CLEC5A: variants seen among roughly 807,000 people sequenced by gnomAD.
CLEC5A encodes C-type lectin domain containing 5A, also known as C-type lectin domain family 5 member A.
CLEC5A carries 15 observed loss-of-function variants against 24.4 expected under a neutral mutation model. The ratio of observed to expected loss-of-function variants is 0.62; its 90% CI spans 0.41 to 0.95. The LOEUF (loss-of-function observed/expected upper bound fraction) is 0.95. Ranked by LOEUF, CLEC5A falls within the 40% of genes least tolerant of loss-of-function variation. CLEC5A has a pLI of 0.00. For missense variants in CLEC5A, 211 were observed against 224.0 expected (o/e 0.94, Z 0.37); for synonymous variants, 71 against 72.6 (o/e 0.98, Z 0.11).
Position 141,946,247 on chromosome 7 carries a change from T to A in CLEC5A, c.46A>T (p.Lys16Ter). 6.4e-7 allele frequency: 1 copy of A among 1,571,988 alleles called. No individual in the cohort carries two copies. The highest frequency in any genetic ancestry group is 1.2e-5 in the South Asian group (1 of 85,534). Residue 16 changes from lysine to a stop codon, truncating the protein, a stop_gained, in exon 2 of 7, where the codon AAA becomes TAA. Transcript: ENST00000546910. LOFTEE classifies it high-confidence loss of function. ...AGAAATAAGGTCATTCCAACAACTTTAAGCACTACCACAATAAGCCCAGAG... is the reference window on the plus strand; with the variant it reads ...AGAAATAAGGTCATTCCAACAACTTAAAGCACTACCACAATAAGCCCAGAG... ...IISGLIVVVL[K>*]VVGMTLFLLY... is the part of the protein sequence containing the mutation.
At chr7:141,930,835 G>A (rs1302266535) in intron 6 of CLEC5A, among the ~76,000 whole-genome samples, 5 of 152,170 alleles carry the variant, frequency 3.3e-5, no homozygotes, top group African/African-American at 9.7e-5. Flanking sequence ...AATGGGGAGC[G>A]ATAAAAGCTT....
At chr7:141,944,803 A>G (rs139576528) in intron 3 of CLEC5A, among the ~76,000 whole-genome samples, 8 of 152,322 alleles carry the variant, frequency 5.3e-5, no homozygotes, top group African/African-American at 1.4e-4. Context: ...TCTAAGATGT[A>G]ATAGCCTGGT....
At chr7:141,943,839 G>T in intron 4 of CLEC5A, 57 bp downstream of exon 4, 3 of 1,186,922 alleles carry the variant, frequency 2.5e-6, no homozygotes, top group Non-Finnish European at 2.5e-6. Context: ...AAATCTCTAA[G>T]AATTCAGTGC....
At chr7:141,934,511 G>A (rs1224787243) in intron 5 of CLEC5A, among the ~76,000 whole-genome samples, 35 of 151,410 alleles carry the variant, frequency 2.3e-4, no homozygotes, top group African/African-American at 8.0e-4. Context: ...CATCGAAGTG[G>A]AATTTGGTAT....
In CLEC5A at chr7:141,936,270, G is replaced by A. The variant is rs563173459; in HGVS notation, c.209-320C>T. ...GAACAAAAAATCAGATGAACACTCA[G>A]TACCTGGATAGCTGAAAGAGGCACT... On this transcript the variant is annotated intron_variant, in intron 4 of 6. Coordinates refer to ENST00000546910, the MANE Select transcript of CLEC5A (RefSeq NM_013252.3). 41 of 337,262 alleles carry A rather than the reference G, an allele frequency of 1.2e-4. No individual in the cohort carries two copies. In the East Asian group the frequency reaches 3.1e-3, roughly 25 times the overall value. The allele number at this position is 337,262 out of a possible 1,614,324, so 20.9% of individuals were successfully genotyped here.
rs1802953730 is a variant in CLEC5A, at chr7:141,946,280, T to C, written c.13A>G (p.Met5Val). 1.3e-6 allele frequency: 2 copies of C among 1,570,090 alleles called. No homozygotes were observed. Among genetic ancestry groups the C allele is most frequent in the Non-Finnish European group, 1.7e-6 (2 of 1,156,336 alleles). ...ACCACAATAAGCCCAGAGATGATCATGTGCCAGTTCATGATGAAGGAGCTG... is the reference window on the plus strand; with the variant it reads ...ACCACAATAAGCCCAGAGATGATCACGTGCCAGTTCATGATGAAGGAGCTG... MNWH[M>V]IISGLIVVVL... The change falls in exon 2 of 7, where the codon ATG (methionine) becomes GTG (valine). Residue 5 changes from methionine (M) to valine (V), a missense_variant. Coordinates refer to ENST00000546910, the MANE Select transcript of CLEC5A (RefSeq NM_013252.3).
rs1027470241 is a variant in CLEC5A at position 141,927,486 on chromosome 7, C to A, written c.*2618G>T. The A allele has an allele frequency of 1.3e-5, 2 of 152,154 alleles. No homozygotes were observed. Among genetic ancestry groups the A allele is most frequent in the Admixed American group, 6.6e-5 (1 of 15,260 alleles). The allele number at this position is 152,154 out of a possible 1,614,324, so 9.4% of individuals were successfully genotyped here. A position where few individuals can be genotyped will look rare whatever the true frequency, so the allele number is the denominator to read the frequency against. On this transcript the variant is annotated 3_prime_UTR_variant, in exon 7 of 7. Transcript: ENST00000546910. ...ATTGCATCAGTTAGATTTTGCTATACGAGAGATAACCAGAAAACTCCAGTG... is the reference window on the plus strand; with the variant it reads ...ATTGCATCAGTTAGATTTTGCTATAAGAGAGATAACCAGAAAACTCCAGTG...
At chr7:141,936,069 A>G in intron 4 of CLEC5A, 119 bp from the exon 5 acceptor site, 1 of 812,544 alleles carries the variant, frequency 1.2e-6, no homozygotes, top group Non-Finnish European at 2.0e-6. Context: ...ATTGGTAAAA[A>G]TTATTCTCCA....
intron 4 of CLEC5A, among the ~76,000 whole-genome samples, chr7:141,936,616 G>C (rs1285951): frequency 6.6e-6 from 1 of 152,002 alleles, no homozygotes; most frequent in African/African-American, 2.4e-5. Context: ...TAAACTTGAA[G>C]GGTAGTCTAG....
Position 141,930,032 on chromosome 7 carries a change from A to G in CLEC5A, c.*72T>C. 2 of 1,203,118 alleles carry G rather than the reference A, an allele frequency of 1.7e-6. No individual in the cohort carries two copies. The highest frequency in any genetic ancestry group is 2.0e-5 in the Admixed American group (1 of 50,976). 74.5% of individuals were successfully genotyped at this position (1,203,118 alleles called of 1,614,324 possible). On this transcript the variant is annotated 3_prime_UTR_variant, in exon 7 of 7. Coordinates refer to ENST00000546910, the MANE Select transcript of CLEC5A (RefSeq NM_013252.3). ...TGGTAGACAGATAGGTAAGTAAAAG[A>G]ATCATTGGCCAGACGACCTGTATGG...
At chr7:141,940,597 T>G (rs1802761976) in intron 4 of CLEC5A, among the ~76,000 whole-genome samples, 1 of 151,094 alleles carries the variant, frequency 6.6e-6, no homozygotes, top group African/African-American at 2.4e-5. Flanking sequence ...CAGAAATAAA[T>G]TGAAATGAAG....
chr7:141,945,485 A>T, intron 2 of CLEC5A, 85 bp from the exon 3 acceptor site: 1 of 924,578 alleles, frequency 1.1e-6, no homozygotes, highest in Non-Finnish European at 1.8e-6. Flanking sequence ...AGGGGCTGCT[A>T]GGGTACTGTG....
chr7:141,939,198 T>A (rs557780443), intron 4 of CLEC5A, among the ~76,000 whole-genome samples: 3 of 152,224 alleles, frequency 2.0e-5, no homozygotes, highest in South Asian at 4.2e-4. Context: ...ATAAAAATGA[T>A]AACTACAACA....
Position 141,934,555 on chromosome 7 carries a change from C to T in CLEC5A, c.345+1259G>A, listed in dbSNP as rs940604783. Among the ~76,000 whole-genome samples the T allele has an allele frequency of 5.5e-5, 8 of 146,538 alleles. No individual in the cohort carries two copies. In the Admixed American group the frequency reaches 5.5e-4, roughly 10 times the overall value. ...GGAGGAGAAGGATGAGCTGGAGATA[C>T]AGACTTGCGAGTCAGCAGCAAACCA... On this transcript the variant is annotated intron_variant, in intron 5 of 6. Transcript: ENST00000546910.
In CLEC5A at chr7:141,935,653, C is replaced by T. The variant is rs77946289; in HGVS notation, c.345+161G>A. 4.3e-3 allele frequency among the ~76,000 whole-genome samples: 659 copies of T among 152,232 alleles called. 5 individuals carry two copies. The highest frequency in any genetic ancestry group is 0.015 in the African/African-American group (634 of 41,536). ...CTGCTTCACTGCTACTAAGAAGAAT[C>T]TCCTAACCTCCAGTCCAGAACAAAT... On this transcript the variant is annotated intron_variant, in intron 5 of 6. Coordinates refer to ENST00000546910, the MANE Select transcript of CLEC5A (RefSeq NM_013252.3).
chr7:141,936,568 C>A (rs986092126), intron 4 of CLEC5A, among the ~76,000 whole-genome samples: 5 of 152,156 alleles, frequency 3.3e-5, no homozygotes, highest in African/African-American at 1.2e-4. Flanking sequence ...TTCTGGCAAG[C>A]CTCGCCACTG....
chr7:141,944,648 G>A (rs1341791690), intron 3 of CLEC5A, among the ~76,000 whole-genome samples: 1 of 152,164 alleles, frequency 6.6e-6, no homozygotes, highest in Non-Finnish European at 1.5e-5. Context: ...GGCTTCAGAG[G>A]CTGGTCAAAC....
chr7:141,927,425 G>T lies in CLEC5A; in HGVS notation c.*2679C>A, dbSNP rs1204740366. The T allele has an allele frequency of 2.6e-5, 4 of 152,180 alleles. No individual in the cohort carries two copies. The highest frequency in any genetic ancestry group is 9.7e-5 in the African/African-American group (4 of 41,426). The allele number at this position is 152,180 out of a possible 1,614,324, so 9.4% of individuals were successfully genotyped here. ...GTTGCTGGATGAACAATACACGAAAGGACAATAAAGGGAGAAGGATGAAGG... is the reference window on the plus strand; with the variant it reads ...GTTGCTGGATGAACAATACACGAAATGACAATAAAGGGAGAAGGATGAAGG... On this transcript the variant is annotated 3_prime_UTR_variant, in exon 7 of 7. Transcript: ENST00000546910.
chr7:141,930,072 G>T lies in CLEC5A; in HGVS notation c.*32C>A. On this transcript the variant is annotated 3_prime_UTR_variant, in exon 7 of 7. Coordinates refer to ENST00000546910, the MANE Select transcript of CLEC5A (RefSeq NM_013252.3). ...GACCTGTATGGATTCAAAAAGAGTT[G>T]CAAGTATAGTTCTTGTCACAGGGAA... The T allele has an allele frequency of 1.3e-6, 2 of 1,526,370 alleles. No homozygotes were observed. The highest frequency in any genetic ancestry group is 1.8e-6 in the Non-Finnish European group (2 of 1,102,552). 94.6% of individuals were successfully genotyped at this position (1,526,370 alleles called of 1,614,324 possible).
Sources: allele counts gnomAD v4.1 joint callset (sites outside exome capture counted in the v4.1 genomes callset), GRCh38; gene constraint gnomAD v4.1.1; transcripts MANE v1.5; gene names NCBI Gene and HGNC (gene_info 2026-07-23, HGNC 2026-07-21).